Variants in NCAM2 observed in about 807,000 individuals in gnomAD.
NCAM2 encodes the protein N-CAM-2.
In NCAM2, 30 loss-of-function variants were observed where a neutral mutation model predicts 98.1. The observed-to-expected ratio is 0.31, with a 90% confidence interval of 0.23 to 0.41. The LOEUF is 0.41. Ranked by LOEUF, NCAM2 falls within the 10% of genes least tolerant of loss-of-function variation. The pLI is 1.00. For synonymous variants in NCAM2, 368 were observed against 342.4 expected (o/e 1.07, Z -0.83); for missense variants, 867 against 1,005.8 (o/e 0.86, Z 1.87).
intron 9 of NCAM2, among the ~76,000 whole-genome samples, chr21:21,409,132 A>G (rs73894676): frequency 9.8e-4 from 149 of 152,278 alleles, no homozygotes; most frequent in African/African-American, 3.3e-3. Flanking sequence ...TTATGCTTTC[A>G]TGTAAAAATA....
intron 1 of NCAM2, among the ~76,000 whole-genome samples, chr21:21,177,112 G>T (rs2068316135): frequency 6.6e-6 from 1 of 152,074 alleles, no homozygotes; most frequent in African/African-American, 2.4e-5. Flanking sequence ...TATTGTAGGA[G>T]CAATTGTGAA....
chr21:21,199,006 C>T (rs1156916316), intron 1 of NCAM2, among the ~76,000 whole-genome samples: 4 of 152,096 alleles, frequency 2.6e-5, no homozygotes, highest in Non-Finnish European at 5.9e-5. Context: ...GGAACAGTCC[C>T]ATTTATGATT....
chr21:21,210,733 G>T (rs964193496), intron 1 of NCAM2: 4 of 983,006 alleles, frequency 4.1e-6, no homozygotes, highest in Non-Finnish European at 5.3e-6. Flanking sequence ...TATAAGGAAT[G>T]TCAAAATGTC....
At chr21:21,182,497 G>T (rs2068512642) in intron 1 of NCAM2, among the ~76,000 whole-genome samples, 1 of 152,118 alleles carries the variant, frequency 6.6e-6, no homozygotes, top group Admixed American at 6.6e-5. Flanking sequence ...AGTTGCAGAG[G>T]CAGTAGCTTC....
At chr21:21,080,628 A>G (rs2065774206) in intron 1 of NCAM2, among the ~76,000 whole-genome samples, 1 of 112,274 alleles carries the variant, frequency 8.9e-6, no homozygotes, top group Non-Finnish European at 1.8e-5. Flanking sequence ...AAAAAAAAAG[A>G]CTTCCTAAGT....
At chr21:21,411,840 G>A (rs1188794317) in intron 10 of NCAM2, among the ~76,000 whole-genome samples, 1 of 152,124 alleles carries the variant, frequency 6.6e-6, no homozygotes, top group Non-Finnish European at 1.5e-5. Flanking sequence ...GCAAATACTT[G>A]CATAGCTGGC....
At chr21:21,388,304 A>G (rs1162357080) in intron 9 of NCAM2, among the ~76,000 whole-genome samples, 1 of 152,240 alleles carries the variant, frequency 6.6e-6, no homozygotes, top group Non-Finnish European at 1.5e-5. Context: ...AATTTAATCC[A>G]TATCAGACAT....
At chr21:21,111,249 A>G (rs544598262) in intron 1 of NCAM2, among the ~76,000 whole-genome samples, 1 of 152,256 alleles carries the variant, frequency 6.6e-6, no homozygotes, top group Admixed American at 6.5e-5. Flanking sequence ...ATTCTATTTT[A>G]TTTTGCTATT....
At chr21:21,366,177 A>G (rs1451823829) in intron 8 of NCAM2, among the ~76,000 whole-genome samples, 1 of 152,042 alleles carries the variant, frequency 6.6e-6, no homozygotes, top group East Asian at 1.9e-4. Context: ...AGATTTACGT[A>G]AAAACATACT....
intron 9 of NCAM2, among the ~76,000 whole-genome samples, chr21:21,401,818 G>C (rs2076637025): frequency 6.6e-6 from 1 of 152,112 alleles, no homozygotes; most frequent in Non-Finnish European, 1.5e-5. Flanking sequence ...CTCACAAGTA[G>C]GATAACTGGA....
chr21:21,385,508 A>G lies in NCAM2; in HGVS notation c.1195+11495A>G, dbSNP rs1271858560. Reference sequence around the variant, plus strand: ...TGAGTAGAAAAGAGTCAAACCATTTATAATTTGATAGAAGCCGCATTTACT... The same window carrying G: ...TGAGTAGAAAAGAGTCAAACCATTTGTAATTTGATAGAAGCCGCATTTACT... On this transcript the variant is annotated intron_variant, in intron 9 of 17. Transcript: ENST00000400546. 3 of 531,636 alleles carry G rather than the reference A, an allele frequency of 5.6e-6. No individual in the cohort carries two copies. The African/African-American group carries it at 5.9e-5, about 10-fold the overall frequency. The allele number at this position is 531,636 out of a possible 1,614,324, so 32.9% of individuals were successfully genotyped here. A position where few individuals can be genotyped will look rare whatever the true frequency, so the allele number is the denominator to read the frequency against.
At chr21:21,459,408 A>G (rs1183534548) in intron 12 of NCAM2, among the ~76,000 whole-genome samples, 2 of 148,060 alleles carry the variant, frequency 1.4e-5, no homozygotes, top group East Asian at 3.9e-4. Context: ...GTTAAAGAAA[A>G]TATGTATATA....
intron 1 of NCAM2, among the ~76,000 whole-genome samples, chr21:21,088,740 C>A (rs2065951171): frequency 6.6e-6 from 1 of 152,126 alleles, no homozygotes; most frequent in Admixed American, 6.5e-5. Context: ...CGCCTGTAAT[C>A]CCAGCACTTT....
chr21:21,210,835 A>T, intron 1 of NCAM2: 1 of 285,826 alleles, frequency 3.5e-6, no homozygotes, highest in Non-Finnish European at 6.4e-6. Flanking sequence ...ACTTTGATAA[A>T]TTACCAGTGG....
rs1399938388 is a variant in NCAM2, at chr21:21,404,275, A to G, written c.1196-5999A>G. On this transcript the variant is annotated intron_variant, in intron 9 of 17. Transcript: ENST00000400546. The stretch of plus-strand genomic sequence containing the variant: ...AATATATTGTATGTATATGTGTACA[A>G]TATGGTTTGGCTGTGTCCCCACCCA... Among the ~76,000 whole-genome samples the G allele has an allele frequency of 3.3e-5, 5 of 152,284 alleles. No individual in the cohort carries two copies. In the South Asian group the frequency reaches 1.0e-3, roughly 32 times the overall value.
chr21:21,210,750 A>T, intron 1 of NCAM2: 4 of 800,562 alleles, frequency 5.0e-6, no homozygotes, highest in Non-Finnish European at 6.7e-6. Context: ...TGTCATTGAA[A>T]GGCAATGAGG....
chr21:21,482,216 C>T (rs62216088), intron 15 of NCAM2, among the ~76,000 whole-genome samples: 488 of 152,062 alleles, frequency 3.2e-3, no homozygotes, highest in Non-Finnish European at 5.3e-3. Context: ...TGATTTAGAT[C>T]TAGGTTTTGT....
intron 16 of NCAM2, among the ~76,000 whole-genome samples, chr21:21,515,505 ATTATTT>A (rs1239207685): frequency 6.6e-6 from 1 of 151,474 alleles, no homozygotes; most frequent in Non-Finnish European, 1.5e-5. Flanking sequence ...TTTAAACATA[ATTATTT>A]TTATTTTTTG....
chr21:21,478,507 T>C (rs1206832175), intron 15 of NCAM2, among the ~76,000 whole-genome samples: 1 of 151,980 alleles, frequency 6.6e-6, no homozygotes, highest in African/African-American at 2.4e-5. Flanking sequence ...GATTTTGTTA[T>C]ATCATACATC....
Sources: gnomAD v4.1 joint callset for allele counts (sites outside exome capture counted in the v4.1 genomes callset) on GRCh38, gnomAD v4.1.1 for gene constraint, MANE v1.5 for transcripts, NCBI Gene and HGNC (gene_info 2026-07-23, HGNC 2026-07-21) for gene names.